EP400: variants seen among roughly 807,000 people sequenced by gnomAD.
EP400 encodes E1A binding protein p400, also known as E1A-binding protein p400.
EP400 carries 105 observed loss-of-function variants against 354.1 expected under a neutral mutation model. The ratio of observed to expected loss-of-function variants is 0.30; its 90% CI spans 0.25 to 0.35. The LOEUF (loss-of-function observed/expected upper bound fraction) is 0.35. Among genes scored for constraint, EP400 ranks in the 10% least tolerant of loss-of-function variants. The probability of loss-of-function intolerance (pLI) is 1.00; values close to 1 mark genes in which losing one functional copy is unlikely to be tolerated. For missense variants in EP400, 3,280 were observed against 4,121.0 expected, an observed-to-expected ratio of 0.80 and a Z score of 5.59; for synonymous variants, 1,646 against 1,716.9, an observed-to-expected ratio of 0.96 and a Z score of 1.02.
At position 132,027,631 on chromosome 12, in the gene EP400, C is replaced by A; in HGVS notation, c.5109+100C>A. On this transcript the variant is annotated intron_variant, in intron 26 of 52. Transcript: ENST00000389561. The surrounding 1 kb of genome is among the most constrained non-coding windows in gnomAD (Gnocchi z 4.9). ...TGATATTTAAAGGCTCCTGTGAATT[C>A]TCAAGTGATGTTACTGAATTCTTAT... 1.1e-6 allele frequency: 1 copy of A among 944,292 alleles called. No individual in the cohort carries two copies. The highest frequency in any genetic ancestry group is 1.6e-6 in the Non-Finnish European group (1 of 638,718). 58.5% of individuals were successfully genotyped at this position (944,292 alleles called of 1,614,324 possible).
Position 132,045,461 on chromosome 12 carries a change from G to A in EP400, c.6927G>A (p.Val2309=). 6.2e-7 allele frequency: 1 copy of A among 1,614,212 alleles called. No homozygotes were observed. The highest frequency in any genetic ancestry group is 1.7e-5 in the Admixed American group (1 of 60,024). The change falls in exon 38 of 53, where the codon GTG becomes GTA. Residue 2309 remains valine (V), a synonymous_variant. Coordinates refer to ENST00000389561, the MANE Select transcript of EP400 (RefSeq NM_015409.5). ...AGAATATTCTGCTGAAGCAGCAGGT[G>A]CCATTCGCCAAGCCCCTGCCAACTT... is the stretch of plus-strand genomic sequence containing the variant. The part of the protein sequence containing the change: ...QKKNILLKQQ[V]PFAKPLPTFA...
Position 132,064,648 on chromosome 12 carries a change from A to T in EP400, c.8335-20A>T, listed in dbSNP as rs142549870. On this transcript the variant is annotated intron_variant, in intron 47 of 52. Transcript: ENST00000389561. Reference sequence around the variant, plus strand: ...GAGCACAGTTAATGTTGAAGAGAAGATACTTTGCTTGTATTTTAGGAACAC... The same window carrying T: ...GAGCACAGTTAATGTTGAAGAGAAGTTACTTTGCTTGTATTTTAGGAACAC... The T allele has an allele frequency of 3.7e-4, 588 of 1,607,398 alleles. 14 individuals carry two copies. The East Asian group carries it at 0.013, about 35-fold the overall frequency.
rs1004317637 is a variant in EP400 at position 132,017,211 on chromosome 12, A to C, written c.3924-324A>C. 6.6e-6 allele frequency among the ~76,000 whole-genome samples: 1 copy of C among 152,002 alleles called. No homozygotes were observed. The highest frequency in any genetic ancestry group is 1.5e-5 in the Non-Finnish European group (1 of 68,006). On this transcript the variant is annotated intron_variant, in intron 19 of 52. Transcript: ENST00000389561. This position sits in a 1 kb window ranked among gnomAD's most constrained non-coding sequence, Gnocchi z 5.0. ...TGAGGGGCTTTACTCTGCTGCGCTC[A>C]CCCTGCCCCTCACTTTGCTCATCCC...
In EP400 at chr12:132,077,532, G is replaced by T. The variant is rs142408281; in HGVS notation, c.9231G>T (p.Ala3077=). 1.2e-5 allele frequency: 19 copies of T among 1,613,708 alleles called. No individual in the cohort carries two copies. Among genetic ancestry groups the T allele is most frequent in the Non-Finnish European group, 1.4e-5 (17 of 1,180,018 alleles). Residue 3077 remains alanine (A), a synonymous_variant, in exon 53 of 53, where the codon GCG becomes GCT. Coordinates refer to ENST00000389561, the MANE Select transcript of EP400 (RefSeq NM_015409.5). ...KLIQQQVVTT[A]SAPLQTPGAP... is the part of the protein sequence containing the mutation. ...TTCAGCAGCAGGTGGTGACCACGGCGTCGGCCCCGCTCCAGACTCCAGGCG... is the reference window on the plus strand; with the variant it reads ...TTCAGCAGCAGGTGGTGACCACGGCTTCGGCCCCGCTCCAGACTCCAGGCG...
Position 131,990,069 on chromosome 12 carries a change from C to T in EP400, c.2515C>T (p.Arg839Trp), listed in dbSNP as rs772690847. 7.4e-6 allele frequency: 12 copies of T among 1,611,566 alleles called. No individual in the cohort carries two copies. The highest frequency in any genetic ancestry group is 1.7e-5 in the Admixed American group (1 of 59,016). Residue 839 changes from arginine to tryptophan, a missense_variant, in exon 8 of 53, where the codon CGG (arginine) becomes TGG (tryptophan). Transcript: ENST00000389561. The surrounding 1 kb of genome is among the most constrained non-coding windows in gnomAD (Gnocchi z 4.2). Reference protein sequence around the residue: ...RLRRIAASTAREIECFWSNIE... With the variant: ...RLRRIAASTAWEIECFWSNIE... ...GAGGCGGATAGCCGCCTCCACGGCC[C>T]GGGAGATAGAGTGCTTTTGGTCGAA...
chr12:131,957,884 C>G (rs1891757192), intron 1 of EP400, among the ~76,000 whole-genome samples: 1 of 152,182 alleles, frequency 6.6e-6, no homozygotes, highest in African/African-American at 2.4e-5. Flanking sequence ...GCATGAGCCA[C>G]CAGACCCCAC....
At chr12:131,957,588 TTTA>T (rs1891745557) in intron 1 of EP400, among the ~76,000 whole-genome samples, 1 of 151,292 alleles carries the variant, frequency 6.6e-6, no homozygotes, top group Non-Finnish European at 1.5e-5. Flanking sequence ...GCTTTATTTA[TTTA>T]TTTATTTATT....
chr12:132,015,718 G>A (rs1893906363), intron 19 of EP400, among the ~76,000 whole-genome samples: 2 of 152,206 alleles, frequency 1.3e-5, no homozygotes, highest in Admixed American at 1.3e-4. Context: ...GACTCCTCAA[G>A]CACATTTTCC....
rs114248835 is a variant in EP400, at chr12:131,990,169, C to G, written c.2550+65C>G. On this transcript the variant is annotated intron_variant, in intron 8 of 52. Coordinates refer to ENST00000389561, the MANE Select transcript of EP400 (RefSeq NM_015409.5). The surrounding 1 kb of genome is among the most constrained non-coding windows in gnomAD (Gnocchi z 4.2). ...TGTCGGAGCTGGTGAGGCCACTTCCCGAGACCAGAGCTCGGGCACCTTGCT... is the reference window on the plus strand; with the variant it reads ...TGTCGGAGCTGGTGAGGCCACTTCCGGAGACCAGAGCTCGGGCACCTTGCT... 12 of 1,541,782 alleles carry G rather than the reference C, an allele frequency of 7.8e-6. No individual in the cohort carries two copies. The African/African-American group carries it at 1.3e-4, about 16-fold the overall frequency.
intron 32 of EP400, 90 bp from the exon 33 acceptor site, chr12:132,043,214 T>G: frequency 7.3e-7 from 1 of 1,376,318 alleles, no homozygotes; most frequent in South Asian, 1.4e-5. Flanking sequence ...AGTGGAGGCA[T>G]CTCCATTAAC....
intron 51 of EP400, among the ~76,000 whole-genome samples, chr12:132,071,628 C>A (rs371595155): frequency 2.0e-5 from 3 of 152,184 alleles, no homozygotes; most frequent in East Asian, 1.9e-4. Context: ...TCTCCTGCTT[C>A]CTTTTTGCCA....
intron 7 of EP400, among the ~76,000 whole-genome samples, chr12:131,989,023 C>T (rs1371544621): frequency 6.6e-6 from 1 of 152,210 alleles, no homozygotes; most frequent in Non-Finnish European, 1.5e-5. Context: ...ACCAGCCTTT[C>T]CACAAAGAAG....
chr12:131,969,578 G>A (rs1234118216), intron 2 of EP400, among the ~76,000 whole-genome samples: 1 of 151,968 alleles, frequency 6.6e-6, no homozygotes, highest in Non-Finnish European at 1.5e-5. Flanking sequence ...TCTTACTTCC[G>A]GAGGACTTCC....
At chr12:131,967,763 A>G (rs139600473) in intron 2 of EP400, among the ~76,000 whole-genome samples, 9 of 151,098 alleles carry the variant, frequency 6.0e-5, no homozygotes, top group South Asian at 4.2e-4. Context: ...TTGTGTTCCC[A>G]GTAGCAATGT....
intron 48 of EP400, 143 bp from the exon 49 acceptor site, chr12:132,066,631 A>G (rs778287239): frequency 5.9e-6 from 5 of 849,250 alleles, no homozygotes; most frequent in Non-Finnish European, 7.1e-6. Context: ...CAGATCTCTC[A>G]GTTTTCCTTT....
Position 132,013,732 on chromosome 12 carries a change from AG to A in EP400, c.3787-44del. 6.2e-7 allele frequency: 1 copy of A among 1,610,946 alleles called. No individual in the cohort carries two copies. The highest frequency in any genetic ancestry group is 8.5e-7 in the Non-Finnish European group (1 of 1,178,442). Reference sequence around the variant, plus strand: ...GTATGCCTTGTTATAAACGTGTTACAGCAGCATTTTTGGAAAGAAAACAGTA... The same window carrying A: ...GTATGCCTTGTTATAAACGTGTTACACAGCATTTTTGGAAAGAAAACAGTA... On this transcript the variant is annotated intron_variant, in intron 18 of 52. Coordinates refer to ENST00000389561, the MANE Select transcript of EP400 (RefSeq NM_015409.5). The surrounding 1 kb of genome is among the most constrained non-coding windows in gnomAD (Gnocchi z 4.5).
At chr12:131,975,158 T>C (rs1892428159) in intron 2 of EP400, among the ~76,000 whole-genome samples, 1 of 152,148 alleles carries the variant, frequency 6.6e-6, no homozygotes, top group Admixed American at 6.5e-5. Context: ...CCGTGTGTCC[T>C]GAGTCCTCTG....
chr12:132,019,039 T>C (rs912364985), intron 21 of EP400, among the ~76,000 whole-genome samples: 1 of 152,164 alleles, frequency 6.6e-6, no homozygotes, highest in Non-Finnish European at 1.5e-5. Flanking sequence ...CACTGGGGAC[T>C]TTGAGTGGAT....
intron 47 of EP400, among the ~76,000 whole-genome samples, chr12:132,063,698 G>A (rs1234508840): frequency 2.6e-5 from 4 of 152,134 alleles, no homozygotes; most frequent in African/African-American, 4.8e-5. Flanking sequence ...TGCAGGAGAC[G>A]CACACTCAGC....
Sources: gnomAD v4.1 joint callset for allele counts (sites outside exome capture counted in the v4.1 genomes callset) on GRCh38, gnomAD v4.1.1 for gene constraint, Gnocchi (gnomAD v3.1) non-coding constraint, MANE v1.5 for transcripts, NCBI Gene and HGNC (gene_info 2026-07-23, HGNC 2026-07-21) for gene names.